Variants in MAP2K1 observed in about 807,000 individuals in gnomAD.
MAP2K1 encodes the protein mitogen-activated protein kinase kinase 1, also known as dual specificity mitogen-activated protein kinase kinase 1.
Under a neutral mutation model 46.3 loss-of-function variants are expected in MAP2K1, and 16 were observed. That is an observed-to-expected ratio of 0.35 (90% confidence interval 0.23 to 0.52). The LOEUF (loss-of-function observed/expected upper bound fraction) is 0.52. MAP2K1 is among the 20% of genes least tolerant of loss of function. MAP2K1 has a pLI of 0.94. For missense variants in MAP2K1, 263 were observed against 497.1 expected, an observed-to-expected ratio of 0.53 and a Z score of 4.48; for synonymous variants, 183 against 185.6, an observed-to-expected ratio of 0.99 and a Z score of 0.11.
intron 5 of MAP2K1, among the ~76,000 whole-genome samples, chr15:66,452,295 AAAAAAAAAG>A (rs1369131513): frequency 1.2e-4 from 2 of 17,302 alleles, no homozygotes; most frequent in Non-Finnish European, 1.5e-4. Context: ...AATAAAAAAA[AAAAAAAAAG>A]AAAAAAAAAA....
chr15:66,459,551 G>A (rs577541415), intron 5 of MAP2K1, among the ~76,000 whole-genome samples: 2 of 151,894 alleles, frequency 1.3e-5, no homozygotes, highest in African/African-American at 4.8e-5. Flanking sequence ...ATGGGAGGTG[G>A]GGGTTGCAGT....
chr15:66,445,518 T>C (rs1004293918), intron 5 of MAP2K1, among the ~76,000 whole-genome samples: 7 of 152,208 alleles, frequency 4.6e-5, no homozygotes, highest in Admixed American at 4.6e-4. Context: ...AGATAAAATA[T>C]AACATGCATC....
intron 1 of MAP2K1, among the ~76,000 whole-genome samples, chr15:66,401,214 C>A (rs1476032004): frequency 1.3e-5 from 2 of 152,042 alleles, no homozygotes; most frequent in Non-Finnish European, 2.9e-5. Flanking sequence ...GTTTTTGAGT[C>A]CATTTATTTT....
At chr15:66,427,341 C>T (rs952682764) in intron 1 of MAP2K1, among the ~76,000 whole-genome samples, 2 of 151,962 alleles carry the variant, frequency 1.3e-5, no homozygotes, top group Non-Finnish European at 2.9e-5. Flanking sequence ...GGGCAGATCA[C>T]GAGGTCAGGA....
intron 5 of MAP2K1, among the ~76,000 whole-genome samples, chr15:66,472,251 C>A (rs957732941): frequency 2.6e-5 from 4 of 151,184 alleles, no homozygotes; most frequent in African/African-American, 9.8e-5. Flanking sequence ...TTGTAGTGAG[C>A]TGAGATCGTG....
At chr15:66,421,141 A>C (rs1386318403) in intron 1 of MAP2K1, among the ~76,000 whole-genome samples, 5 of 144,494 alleles carry the variant, frequency 3.5e-5, no homozygotes, top group African/African-American at 1.0e-4. Flanking sequence ...TATATATATA[A>C]ATTTTTTTTT....
At chr15:66,453,484 T>C (rs1892088606) in intron 5 of MAP2K1, 1 of 702,164 alleles carries the variant, frequency 1.4e-6, no homozygotes, top group Non-Finnish European at 2.6e-6. Context: ...AAGAATGAAC[T>C]GTAAGGCCTG....
chr15:66,392,260 T>TTTTG (rs2093358131), intron 1 of MAP2K1, among the ~76,000 whole-genome samples: 1 of 107,966 alleles, frequency 9.3e-6, no homozygotes, highest in Non-Finnish European at 2.0e-5. Flanking sequence ...TTTGGGTTTT[T>TTTTG]TTTTTTTTTT....
intron 1 of MAP2K1, among the ~76,000 whole-genome samples, chr15:66,395,753 T>C (rs2093366167): frequency 6.6e-6 from 1 of 152,058 alleles, no homozygotes; most frequent in East Asian, 1.9e-4. Context: ...ATTCTTGTTA[T>C]TTTTAGTAGA....
chr15:66,438,530 C>G (rs2093494955), intron 3 of MAP2K1, among the ~76,000 whole-genome samples: 1 of 152,230 alleles, frequency 6.6e-6, no homozygotes, highest in Non-Finnish European at 1.5e-5. Flanking sequence ...GATCACATCT[C>G]TTGTGCCCTT....
At chr15:66,399,137 T>A (rs1296986526) in intron 1 of MAP2K1, among the ~76,000 whole-genome samples, 21 of 152,192 alleles carry the variant, frequency 1.4e-4, no homozygotes, top group Admixed American at 1.2e-3. Flanking sequence ...TATTCATACA[T>A]AATGCACAAA....
intron 5 of MAP2K1, among the ~76,000 whole-genome samples, chr15:66,467,511 CTT>C (rs1200373113): frequency 2.0e-5 from 3 of 152,164 alleles, no homozygotes; most frequent in Non-Finnish European, 4.4e-5. Flanking sequence ...TAATTCAAGA[CTT>C]AGCTATTTTC....
At chr15:66,399,548 T>C (rs771139299) in intron 1 of MAP2K1, among the ~76,000 whole-genome samples, 1 of 152,002 alleles carries the variant, frequency 6.6e-6, no homozygotes, top group Non-Finnish European at 1.5e-5. Flanking sequence ...CCGTCTGGGC[T>C]CAAGTGATCC....
intron 7 of MAP2K1, among the ~76,000 whole-genome samples, chr15:66,486,564 G>A (rs1409397964): frequency 6.6e-6 from 1 of 152,240 alleles, no homozygotes. Context: ...AAGTAGCCAA[G>A]TCTGACTCCC....
chr15:66,422,040 C>T (rs12440176), intron 1 of MAP2K1, among the ~76,000 whole-genome samples: 2 of 151,936 alleles, frequency 1.3e-5, no homozygotes, highest in Admixed American at 6.6e-5. Context: ...AGTCATTGCC[C>T]CAGAATCACT....
intron 1 of MAP2K1, among the ~76,000 whole-genome samples, chr15:66,388,367 AT>A (rs768239194): frequency 4.6e-5 from 7 of 152,110 alleles, no homozygotes; most frequent in Admixed American, 2.0e-4. Flanking sequence ...GGTTATTATT[AT>A]TTTTTTGCCT....
intron 5 of MAP2K1, among the ~76,000 whole-genome samples, chr15:66,459,437 T>G (rs1273669425): frequency 6.6e-6 from 1 of 151,720 alleles, no homozygotes; most frequent in Non-Finnish European, 1.5e-5. Flanking sequence ...ACCAACATGG[T>G]GAAACCCCGT....
chr15:66,465,080 C>T (rs1346851916), intron 5 of MAP2K1, among the ~76,000 whole-genome samples: 1 of 151,574 alleles, frequency 6.6e-6, no homozygotes, highest in Non-Finnish European at 1.5e-5. Context: ...AAAAAATTAG[C>T]CGGGCATGGT....
intron 5 of MAP2K1, among the ~76,000 whole-genome samples, chr15:66,472,664 A>C (rs1460965335): frequency 6.6e-6 from 1 of 151,962 alleles, no homozygotes; most frequent in Non-Finnish European, 1.5e-5. Context: ...GGAGACAAGG[A>C]ATGCCTGACA....
Sources: allele counts gnomAD v4.1 joint callset (sites outside exome capture counted in the v4.1 genomes callset), GRCh38; gene constraint gnomAD v4.1.1; transcripts MANE v1.5; gene names NCBI Gene and HGNC (gene_info 2026-07-23, HGNC 2026-07-21).